The following MTHFS variants were observed in gnomAD, a reference collection of about 807,000 sequenced individuals.
MTHFS encodes 5-formyltetrahydrofolate cyclo-ligase.
MTHFS carries 7 observed loss-of-function variants against 12.7 expected under a neutral mutation model. The ratio of observed to expected loss-of-function variants is 0.55; its 90% CI spans 0.31 to 1.03. The LOEUF (loss-of-function observed/expected upper bound fraction) is 1.03, where lower values mean the gene tolerates loss of function less well. MTHFS is among the 50% of genes least tolerant of loss of function. The pLI is 0.05. For missense variants in MTHFS, 252 were observed against 258.1 expected, an observed-to-expected ratio of 0.98 and a Z score of 0.16; for synonymous variants, 100 against 97.1, an observed-to-expected ratio of 1.03 and a Z score of -0.18.
At chr15:79,874,479 G>C (rs2034155834) in intron 2 of MTHFS, among the ~76,000 whole-genome samples, 1 of 152,120 alleles carries the variant, frequency 6.6e-6, no homozygotes, top group South Asian at 2.1e-4. Flanking sequence ...TAATTAATTT[G>C]TCTGGCAGTT....
chr15:79,888,745 C>T (rs1238199217), intron 2 of MTHFS, among the ~76,000 whole-genome samples: 1 of 152,056 alleles, frequency 6.6e-6, no homozygotes, highest in South Asian at 2.1e-4. Flanking sequence ...GGTAGGTAGT[C>T]GAAGTTGAGA....
chr15:79,863,959 A>G (rs1263626650), intron 2 of MTHFS, among the ~76,000 whole-genome samples: 1 of 151,896 alleles, frequency 6.6e-6, no homozygotes, highest in Non-Finnish European at 1.5e-5. Context: ...CCCTCCTTTT[A>G]CTCGCCTCCA....
chr15:79,880,429 T>C (rs2034276924), intron 2 of MTHFS, among the ~76,000 whole-genome samples: 2 of 151,958 alleles, frequency 1.3e-5, no homozygotes, highest in South Asian at 2.1e-4. Context: ...GTTTTGTAGA[T>C]GACGATTAAC....
rs2033588081 is a variant in MTHFS at position 79,845,234 on chromosome 15, A to G, written c.588T>C (p.Leu196=). 1 of 1,614,080 alleles carries G rather than the reference A, an allele frequency of 6.2e-7. No homozygotes were observed. Among genetic ancestry groups the G allele is most frequent in the South Asian group, 1.1e-5 (1 of 91,092 alleles). ...NENDMKVDEV[L]YEDSSTA is the part of the protein sequence containing the mutation. The stretch of plus-strand genomic sequence containing the variant: ...TTTAAGCTGTTGACGAGTCTTCGTA[A>G]AGGACTTCATCTACCTTCATGTCGT... The change falls in exon 3 of 3, where the codon CTT becomes CTC. Residue 196 remains leucine (L), a synonymous_variant. Coordinates refer to ENST00000258874, the MANE Select transcript of MTHFS (RefSeq NM_006441.4).
At chr15:79,874,088 T>C (rs534430019) in intron 2 of MTHFS, among the ~76,000 whole-genome samples, 1 of 152,320 alleles carries the variant, frequency 6.6e-6, no homozygotes, top group African/African-American at 2.4e-5. Flanking sequence ...GCTTCATGCA[T>C]TCCAGTGTTT....
chr15:79,863,677 TG>T (rs1414893687), intron 2 of MTHFS, among the ~76,000 whole-genome samples: 6 of 152,204 alleles, frequency 3.9e-5, no homozygotes, highest in African/African-American at 1.4e-4. Flanking sequence ...AGGTGAAGGA[TG>T]CTCTTTTTCT....
At chr15:79,860,281 C>T (rs1045038011) in intron 2 of MTHFS, among the ~76,000 whole-genome samples, 48 of 151,554 alleles carry the variant, frequency 3.2e-4, no homozygotes, top group African/African-American at 9.7e-4. Context: ...CTCAGCTACT[C>T]GGGAGGCTGA....
intron 1 of MTHFS, 165 bp downstream of exon 1, chr15:79,896,707 G>T (rs2034578096): frequency 2.4e-6 from 3 of 1,258,390 alleles, no homozygotes; most frequent in Non-Finnish European, 3.2e-6. Flanking sequence ...TCCAGACCAC[G>T]ACTAGGGGGC....
rs114487024 is a variant in MTHFS, at chr15:79,895,339, C to G, written c.117+1533G>C. On this transcript the variant is annotated intron_variant, in intron 1 of 2. Coordinates refer to ENST00000258874, the MANE Select transcript of MTHFS (RefSeq NM_006441.4). Reference sequence around the variant, plus strand: ...ATCTCAAACATTTTCCAATAGAAAGCTTTCCAATTTCCCCTCCCCAAGGCT... The same window carrying G: ...ATCTCAAACATTTTCCAATAGAAAGGTTTCCAATTTCCCCTCCCCAAGGCT... Among the ~76,000 whole-genome samples the G allele has an allele frequency of 5.9e-3, 892 of 152,330 alleles. 7 individuals carry two copies. Among genetic ancestry groups the G allele is most frequent in the African/African-American group, 0.02 (850 of 41,574 alleles).
Position 79,896,816 on chromosome 15 carries a change from C to T in MTHFS, c.117+56G>A, listed in dbSNP as rs994448904. The T allele has an allele frequency of 3.3e-6, 5 of 1,535,986 alleles. 1 individual carries two copies. The highest frequency in any genetic ancestry group is 1.7e-4 in the Middle Eastern group (1 of 5,956). ...CATGCACAGATCAGCAATCGCTGGC[C>T]GCCAGGCCTTCGGAGGGTCTGTCCG... is the stretch of plus-strand genomic sequence containing the variant. On this transcript the variant is annotated intron_variant, in intron 1 of 2. Coordinates refer to ENST00000258874, the MANE Select transcript of MTHFS (RefSeq NM_006441.4).
chr15:79,852,661 A>G (rs1362274613), intron 2 of MTHFS, among the ~76,000 whole-genome samples: 2 of 152,306 alleles, frequency 1.3e-5, no homozygotes, highest in African/African-American at 4.8e-5. Context: ...TAACATTTGC[A>G]CCAGAATACA....
Position 79,867,926 on chromosome 15 carries a change from T to TGA in MTHFS, c.379+21165_379+21166dup, listed in dbSNP as rs1023900183. On this transcript the variant is annotated intron_variant, in intron 2 of 2. Coordinates refer to ENST00000258874, the MANE Select transcript of MTHFS (RefSeq NM_006441.4). Reference sequence around the variant, plus strand: ...TGTAGCTTTGAGTGGAGTGTGTGTGTGAGAGAGAGAGAGCACGAGCGAGAG... The same window carrying TGA: ...TGTAGCTTTGAGTGGAGTGTGTGTGTGAGAGAGAGAGAGAGCACGAGCGAGAG... Among the ~76,000 whole-genome samples, 7 of 151,926 alleles carry TGA rather than the reference T, an allele frequency of 4.6e-5. No individual in the cohort carries two copies. The East Asian group carries it at 7.7e-4, about 17-fold the overall frequency.
At chr15:79,849,492 G>A (rs2033674526) in intron 2 of MTHFS, among the ~76,000 whole-genome samples, 2 of 152,102 alleles carry the variant, frequency 1.3e-5, no homozygotes, top group South Asian at 4.1e-4. Flanking sequence ...TCATGCAGAG[G>A]CTCAACAAGC....
intron 2 of MTHFS, chr15:79,875,972 A>T (rs1396496108): frequency 6.7e-6 from 1 of 149,420 alleles, no homozygotes; most frequent in Non-Finnish European, 1.5e-5. Flanking sequence ...CTAGGAAGCC[A>T]GGCCAAAAAA....
At chr15:79,866,152 C>G (rs1251945326) in intron 2 of MTHFS, among the ~76,000 whole-genome samples, 2 of 151,696 alleles carry the variant, frequency 1.3e-5, no homozygotes, top group Non-Finnish European at 2.9e-5. Flanking sequence ...AAGAACAAAT[C>G]CAGCAGCAGG....
intron 2 of MTHFS, among the ~76,000 whole-genome samples, chr15:79,875,681 C>T (rs555891492): frequency 6.6e-6 from 1 of 152,194 alleles, no homozygotes; most frequent in South Asian, 2.1e-4. Context: ...GGTTTCTTAG[C>T]TATGATACCA....
At chr15:79,880,464 A>C (rs141322938) in intron 2 of MTHFS, among the ~76,000 whole-genome samples, 1 of 152,174 alleles carries the variant, frequency 6.6e-6, no homozygotes, top group African/African-American at 2.4e-5. Context: ...TTGATGGATC[A>C]TGTGCTATTA....
chr15:79,884,214 T>C (rs969983791), intron 2 of MTHFS, among the ~76,000 whole-genome samples: 1 of 152,234 alleles, frequency 6.6e-6, no homozygotes, highest in Non-Finnish European at 1.5e-5. Context: ...CAGGTTAGTA[T>C]GATTCTCAAA....
chr15:79,882,310 G>C (rs1162309791), intron 2 of MTHFS, among the ~76,000 whole-genome samples: 1 of 152,124 alleles, frequency 6.6e-6, no homozygotes. Context: ...AGTGGTGTTA[G>C]AGTCTCCACA....
Sources: gnomAD v4.1 joint callset for allele counts (sites outside exome capture counted in the v4.1 genomes callset) on GRCh38, gnomAD v4.1.1 for gene constraint, MANE v1.5 for transcripts, NCBI Gene and HGNC (gene_info 2026-07-23, HGNC 2026-07-21) for gene names.